The following ZCWPW2 variants were observed in gnomAD, a reference collection of about 807,000 sequenced individuals.
The protein encoded by ZCWPW2 is zinc finger CW-type and PWWP domain containing 2, also known as zinc finger CW-type PWWP domain protein 2.
A neutral mutation model predicts 46.6 loss-of-function variants in ZCWPW2; 45 were observed. The ratio of observed to expected loss-of-function variants is 0.96; its 90% CI spans 0.76 to 1.24. ZCWPW2 has a LOEUF of 1.24. Ranked by LOEUF, ZCWPW2 falls within the 50% of genes most tolerant of loss-of-function variation. ZCWPW2 has a pLI of 0.00. For missense variants in ZCWPW2, 429 were observed against 403.9 expected (o/e 1.06, Z -0.53); for synonymous variants, 152 against 137.1 (o/e 1.11, Z -0.76).
chr3:28,456,382 G>A (rs1698423578), intron 4 of ZCWPW2, among the ~76,000 whole-genome samples: 1 of 152,192 alleles, frequency 6.6e-6, no homozygotes, highest in Non-Finnish European at 1.5e-5. Flanking sequence ...TCTGGGCTGA[G>A]ATGATGGGGT....
intron 4 of ZCWPW2, among the ~76,000 whole-genome samples, chr3:28,475,158 T>A (rs1292245319): frequency 6.6e-6 from 1 of 152,020 alleles, no homozygotes; most frequent in Non-Finnish European, 1.5e-5. Flanking sequence ...CTCTTGATCT[T>A]CCAACAAATC....
intron 2 of ZCWPW2, among the ~76,000 whole-genome samples, chr3:28,410,231 A>G (rs566531890): frequency 6.6e-6 from 1 of 152,228 alleles, no homozygotes; most frequent in Non-Finnish European, 1.5e-5. Flanking sequence ...AATTATGGGG[A>G]TAAATTGACA....
chr3:28,360,877 G>T (rs1367859945), intron 1 of ZCWPW2, among the ~76,000 whole-genome samples: 18 of 152,082 alleles, frequency 1.2e-4, no homozygotes, highest in Non-Finnish European at 2.5e-4. Flanking sequence ...AATCAAAACA[G>T]TATGGTACTG....
intron 1 of ZCWPW2, among the ~76,000 whole-genome samples, chr3:28,364,218 CATT>C (rs1359255894): frequency 4.6e-5 from 7 of 152,152 alleles, no homozygotes; most frequent in African/African-American, 1.7e-4. Context: ...AAGTAATTGG[CATT>C]ATCTATTATG....
chr3:28,376,015 T>C (rs1705491191), intron 1 of ZCWPW2, among the ~76,000 whole-genome samples: 1 of 152,132 alleles, frequency 6.6e-6, no homozygotes, highest in Non-Finnish European at 1.5e-5. Context: ...TGTGAATATG[T>C]ACCACATTTT....
intron 1 of ZCWPW2, among the ~76,000 whole-genome samples, chr3:28,349,485 T>C (rs1422932754): frequency 1.3e-5 from 2 of 152,158 alleles, no homozygotes; most frequent in Non-Finnish European, 2.9e-5. Context: ...TAGGGGTCTG[T>C]AATTATTCAC....
chr3:28,483,545 A>G (rs1433954845), intron 5 of ZCWPW2, among the ~76,000 whole-genome samples: 1 of 152,112 alleles, frequency 6.6e-6, no homozygotes. Flanking sequence ...TTTTATTGGG[A>G]TTATATTGAA....
chr3:28,522,365 A>G (rs930157525), intron 9 of ZCWPW2, among the ~76,000 whole-genome samples: 1 of 152,186 alleles, frequency 6.6e-6, no homozygotes, highest in Non-Finnish European at 1.5e-5. Flanking sequence ...GTTGCTAGAG[A>G]GAATAAGTGC....
At position 28,349,098 on chromosome 3, in the gene ZCWPW2, G is replaced by C; in HGVS notation, c.-239G>C. The stretch of plus-strand genomic sequence containing the variant: ...GAAGCCAGGTTCGGTCGTGGGGGTG[G>C]GGAAGTGCAGGAGTGGCGCGCGGCG... On this transcript the variant is annotated 5_prime_UTR_variant, in exon 1 of 10. Transcript: ENST00000383768. 1.0e-6 allele frequency: 1 copy of C among 985,710 alleles called. No homozygotes were observed. The highest frequency in any genetic ancestry group is 1.2e-6 in the Non-Finnish European group (1 of 830,152). 61.1% of individuals were successfully genotyped at this position (985,710 alleles called of 1,614,324 possible). A position where few individuals can be genotyped will look rare whatever the true frequency, so the allele number is the denominator to read the frequency against.
chr3:28,510,939 C>A, intron 6 of ZCWPW2: 2 of 398,088 alleles, frequency 5.0e-6, no homozygotes, highest in Admixed American at 3.0e-5. Context: ...AGAATCTCTA[C>A]TCCATGGTCA....
At chr3:28,411,242 G>A (rs1696385128) in intron 2 of ZCWPW2, among the ~76,000 whole-genome samples, 1 of 151,776 alleles carries the variant, frequency 6.6e-6, no homozygotes, top group Admixed American at 6.6e-5. Context: ...TGAATACAAT[G>A]TGTACCCAAT....
chr3:28,370,757 A>G (rs1478049355), intron 1 of ZCWPW2, among the ~76,000 whole-genome samples: 1 of 152,056 alleles, frequency 6.6e-6, no homozygotes. Flanking sequence ...TTTGAGATAG[A>G]GTTTTGCTCT....
At chr3:28,461,263 C>T (rs1457910) in intron 4 of ZCWPW2, among the ~76,000 whole-genome samples, 33,669 of 151,906 alleles carry the variant, frequency 0.22, 4,264 homozygotes, top group Middle Eastern at 0.29. Flanking sequence ...ATGAGGTTCT[C>T]CCACCCCCCA....
At chr3:28,499,434 C>T (rs1328248314) in intron 6 of ZCWPW2, among the ~76,000 whole-genome samples, 1 of 152,204 alleles carries the variant, frequency 6.6e-6, no homozygotes, top group Admixed American at 6.6e-5. Flanking sequence ...TTGTTGGCCA[C>T]ATAAATGTCT....
At chr3:28,381,570 G>A (rs1200145851) in intron 1 of ZCWPW2, among the ~76,000 whole-genome samples, 1 of 152,090 alleles carries the variant, frequency 6.6e-6, no homozygotes, top group Non-Finnish European at 1.5e-5. Flanking sequence ...AACTGCGTAT[G>A]TGAATGTTAG....
At chr3:28,373,888 C>T (rs954149076) in intron 1 of ZCWPW2, among the ~76,000 whole-genome samples, 18 of 152,216 alleles carry the variant, frequency 1.2e-4, no homozygotes, top group Non-Finnish European at 2.1e-4. Context: ...CCTATAGATT[C>T]TGGTTATTAA....
At chr3:28,413,484 T>TG in intron 3 of ZCWPW2, 84 bp downstream of exon 3, 1 of 1,200,552 alleles carries the variant, frequency 8.3e-7, no homozygotes, top group Non-Finnish European at 1.1e-6. Flanking sequence ...AGACTAAACA[T>TG]TTTTCTTTTG....
intron 3 of ZCWPW2, among the ~76,000 whole-genome samples, chr3:28,434,885 C>T (rs534613961): frequency 6.6e-6 from 1 of 152,022 alleles, no homozygotes; most frequent in Non-Finnish European, 1.5e-5. Context: ...CATGTCTTAT[C>T]TATATCTTAA....
At chr3:28,464,080 G>A (rs1698736411) in intron 4 of ZCWPW2, among the ~76,000 whole-genome samples, 1 of 151,904 alleles carries the variant, frequency 6.6e-6, no homozygotes, top group Non-Finnish European at 1.5e-5. Context: ...AAAAGAAGAT[G>A]GCCATTTTTC....
Sources: gnomAD v4.1 joint callset for allele counts (sites outside exome capture counted in the v4.1 genomes callset) on GRCh38, gnomAD v4.1.1 for gene constraint, MANE v1.5 for transcripts, NCBI Gene and HGNC (gene_info 2026-07-23, HGNC 2026-07-21) for gene names.